DOCK9: variants seen among roughly 807,000 people sequenced by gnomAD.
The protein encoded by DOCK9 is dedicator of cytokinesis 9.
DOCK9 carries 89 observed loss-of-function variants against 263.3 expected under a neutral mutation model. The observed-to-expected ratio is 0.34, with a 90% CI of 0.28 to 0.40. The LOEUF is 0.40. Among genes scored for constraint, DOCK9 ranks in the 10% least tolerant of loss-of-function variants. DOCK9 has a pLI of 1.00. For synonymous variants in DOCK9, 976 were observed against 973.1 expected (o/e 1.00, Z -0.06); for missense variants, 2,140 against 2,603.4 (o/e 0.82, Z 3.87).
chr13:98,969,369 C>T (rs1374308379), intron 1 of DOCK9, among the ~76,000 whole-genome samples: 5 of 152,028 alleles, frequency 3.3e-5, no homozygotes, highest in Non-Finnish European at 7.3e-5. Context: ...GAATGATTTT[C>T]AGATCTAGTC....
At chr13:98,798,861 G>A (rs140702421) in intron 50 of DOCK9, among the ~76,000 whole-genome samples, 20 of 152,254 alleles carry the variant, frequency 1.3e-4, no homozygotes, top group Non-Finnish European at 2.5e-4. Context: ...TTTATAAAAT[G>A]CTAAGTTTAC....
chr13:98,967,452 G>C (rs1416550889), intron 1 of DOCK9, among the ~76,000 whole-genome samples: 1 of 152,234 alleles, frequency 6.6e-6, no homozygotes, highest in African/African-American at 2.4e-5. Flanking sequence ...CTGACACTTA[G>C]AGAATTAGAT....
At chr13:99,076,261 T>G (rs900886915) in intron 1 of DOCK9, among the ~76,000 whole-genome samples, 4 of 152,250 alleles carry the variant, frequency 2.6e-5, no homozygotes, top group Non-Finnish European at 5.9e-5. Context: ...TTCCTTGTAT[T>G]TTTGTTTTGT....
intron 1 of DOCK9, among the ~76,000 whole-genome samples, chr13:98,994,186 T>C (rs1880471866): frequency 6.6e-6 from 1 of 152,276 alleles, no homozygotes; most frequent in African/African-American, 2.4e-5. Context: ...CAACAGAAGC[T>C]GGGGTGCCTA....
rs2093380867 is a variant in DOCK9, at chr13:98,846,050, C to T, written c.4072G>A (p.Gly1358Arg). The change falls in exon 38 of 53, where the codon GGG (glycine) becomes AGG (arginine). Residue 1358 changes from glycine (G) to arginine (R), a missense_variant. Physicochemically the swap from Gly to Arg is moderately radical, Grantham distance 125 (BLOSUM62 -2). This residue lies in a region of DOCK9 where 1,521 missense variants were observed against 1,741.7 expected (regional missense o/e 0.87). Transcript: ENST00000682017. ...CGATCATGAACTATGGGTCCCAACC[C>T]CTCCTGGTTCCTGCAACATGAGTGA... ...GKRYIARNQE[G>R]LGPIVHDRKS... The T allele has an allele frequency of 6.4e-7, 1 of 1,574,534 alleles. No individual in the cohort carries two copies. The highest frequency in any genetic ancestry group is 8.6e-7 in the Non-Finnish European group (1 of 1,158,760).
At chr13:98,810,342 G>T in intron 45 of DOCK9, 51 bp from the exon 46 acceptor site, 1 of 1,600,106 alleles carries the variant, frequency 6.2e-7, no homozygotes, top group South Asian at 1.1e-5. Context: ...TGGGGAACGT[G>T]ACATGGCACC....
At position 99,071,306 on chromosome 13, in the gene DOCK9, C is replaced by CCTTTTTTT. The variant is rs1286343497; in HGVS notation, c.129+14916_129+14917insAAAAAAAG. Among the ~76,000 whole-genome samples the CCTTTTTTT allele has an allele frequency of 2.2e-4, 11 of 49,320 alleles. No individual in the cohort carries two copies. The East Asian group carries it at 2.7e-3, about 12-fold the overall frequency. The allele number at this position is 49,320 out of a possible 152,430, so 32.4% of individuals were successfully genotyped here. A position where few individuals can be genotyped will look rare whatever the true frequency, so the allele number is the denominator to read the frequency against. On this transcript the variant is annotated intron_variant, in intron 1 of 32. Coordinates refer to the DOCK9 transcript ENST00000427887. Reference sequence around the variant, plus strand: ...TACAGGTGCTTGCCACCATGCCTGGCTTTTTTTTTTTTTTTTTTTTTTTTT... The same window carrying CCTTTTTTT: ...TACAGGTGCTTGCCACCATGCCTGGCCTTTTTTTTTTTTTTTTTTTTTTTTTTTTTTTT...
chr13:98,926,455 T>C (rs1366520041), intron 3 of DOCK9, among the ~76,000 whole-genome samples: 1 of 152,238 alleles, frequency 6.6e-6, no homozygotes, highest in Non-Finnish European at 1.5e-5. Context: ...ATTAGCACCA[T>C]GACATTTTCA....
intron 1 of DOCK9, among the ~76,000 whole-genome samples, chr13:98,970,323 T>A (rs1036387142): frequency 5.3e-5 from 8 of 152,186 alleles, no homozygotes; most frequent in Non-Finnish European, 2.9e-5. Flanking sequence ...AAGAGTGGTC[T>A]GATAGCACAA....
intron 45 of DOCK9, 36 bp from the exon 46 acceptor site, chr13:98,810,327 C>T (rs2140248222): frequency 1.9e-6 from 3 of 1,608,436 alleles, no homozygotes; most frequent in Admixed American, 1.7e-5. Context: ...AAGAGAAGAG[C>T]GTTATGGGGA....
At chr13:98,918,588 C>T (rs527339939) in intron 7 of DOCK9, among the ~76,000 whole-genome samples, 14 of 152,242 alleles carry the variant, frequency 9.2e-5, no homozygotes, top group African/African-American at 2.9e-4. Flanking sequence ...ACCTTCCAAA[C>T]GACAGTGGAA....
At chr13:98,876,761 T>C (rs2043922839) in intron 27 of DOCK9, among the ~76,000 whole-genome samples, 1 of 152,110 alleles carries the variant, frequency 6.6e-6, no homozygotes, top group Non-Finnish European at 1.5e-5. Flanking sequence ...AGCTCAATAA[T>C]GTGTGATTAG....
Position 98,824,452 on chromosome 13 carries a change from G to A in DOCK9, c.5076C>T (p.Asp1692=), listed in dbSNP as rs375560755. Residue 1692 remains aspartate, a synonymous_variant, in exon 45 of 53, where the codon GAC becomes GAT. Coordinates refer to ENST00000682017, the MANE Select transcript of DOCK9 (RefSeq NM_001366683.2). ...CGTCTTCCATCATGGAGGCCTCCTC[G>A]TCGATGTTTGGGGTAATGACCCTGA... ...TAFRVITPNI[D]EEASMMEDVG... 1.2e-5 allele frequency: 20 copies of A among 1,613,914 alleles called. No homozygotes were observed. The highest frequency in any genetic ancestry group is 9.3e-6 in the Non-Finnish European group (11 of 1,179,830).
chr13:98,902,476 C>T lies in DOCK9; in HGVS notation c.1192G>A (p.Val398Ile). The T allele has an allele frequency of 2.5e-6, 4 of 1,613,808 alleles. No individual in the cohort carries two copies. The highest frequency in any genetic ancestry group is 2.5e-6 in the Non-Finnish European group (3 of 1,179,808). ...TTTATGTCAAACAGGGATAGAGTAACAAAGAAAGGTTCAACCTGAACAAAA... is the reference window on the plus strand; with the variant it reads ...TTTATGTCAAACAGGGATAGAGTAATAAAGAAAGGTTCAACCTGAACAAAA... Reference protein sequence around the residue: ...GPTTNVEPFFVTLSLFDIKYN... With the variant: ...GPTTNVEPFFITLSLFDIKYN... The change falls in exon 12 of 53, where the codon GTT becomes ATT. Residue 398 changes from valine (V) to isoleucine (I), a missense_variant. Physicochemically the swap from Val to Ile is conservative, Grantham distance 29. Transcript: ENST00000682017.
intron 1 of DOCK9, among the ~76,000 whole-genome samples, chr13:99,071,838 A>G (rs2041694372): frequency 6.6e-6 from 1 of 152,220 alleles, no homozygotes; most frequent in South Asian, 2.1e-4. Context: ...CTCTTGAATA[A>G]TTAGCATGCT....
upstream of DOCK9, among the ~76,000 whole-genome samples, chr13:98,979,230 A>AGTAGTG (rs1469428296): frequency 8.6e-6 from 1 of 116,102 alleles, no homozygotes; most frequent in Non-Finnish European, 1.8e-5. Flanking sequence ...TAGTAGTAGT[A>AGTAGTG]GCAGCAGCGG....
At chr13:98,911,336 T>C (rs2049986742) in intron 9 of DOCK9, among the ~76,000 whole-genome samples, 1 of 152,194 alleles carries the variant, frequency 6.6e-6, no homozygotes, top group African/African-American at 2.4e-5. Flanking sequence ...AACACAAAGA[T>C]AAATGTTTGA....
At chr13:98,794,872 G>GCCACGTGCAACACAATGTTA in intron 52 of DOCK9, 124 bp from the exon 53 acceptor site, 1 of 1,015,836 alleles carries the variant, frequency 9.8e-7, no homozygotes, top group Non-Finnish European at 1.5e-6. Context: ...AGGCAATGTT[G>GCCACGTGCAACACAATGTTA]CCACGTGCAA....
At chr13:98,909,665 A>C (rs539150485) in intron 9 of DOCK9, among the ~76,000 whole-genome samples, 1 of 152,352 alleles carries the variant, frequency 6.6e-6, no homozygotes, top group Admixed American at 6.5e-5. Flanking sequence ...ATGCAACACC[A>C]GCTGACCCCA....
Sources: allele counts gnomAD v4.1 joint callset (sites outside exome capture counted in the v4.1 genomes callset), GRCh38; gene constraint gnomAD v4.1.1; regional missense constraint gnomAD v4.1.1; transcripts MANE v1.5; gene names NCBI Gene and HGNC (gene_info 2026-07-23, HGNC 2026-07-21).